The following MICU1 variants were observed in gnomAD, a reference collection of about 807,000 sequenced individuals.
MICU1 encodes calcium uptake protein 1, mitochondrial.
Under a neutral mutation model 56.8 loss-of-function variants are expected in MICU1, and 45 were observed. The observed-to-expected ratio is 0.79, with a 90% CI of 0.62 to 1.02. The LOEUF is 1.02. Among genes scored for constraint, MICU1 ranks in the 50% least tolerant of loss-of-function variants. The probability of loss-of-function intolerance (pLI) is 0.00; values close to 1 mark genes in which losing one functional copy is unlikely to be tolerated. For missense variants in MICU1, 504 were observed against 587.1 expected, an observed-to-expected ratio of 0.86 and a Z score of 1.46; for synonymous variants, 186 against 195.1, an observed-to-expected ratio of 0.95 and a Z score of 0.39.
chr10:72,382,120 T>C (rs1862730924), intron 10 of MICU1, among the ~76,000 whole-genome samples: 1 of 148,608 alleles, frequency 6.7e-6, no homozygotes, highest in African/African-American at 2.4e-5. Flanking sequence ...TCTGAATTCT[T>C]TTTTTTTTTT....
rs1211580394 is a variant in MICU1, at chr10:72,569,206, C to CATATAT, written c.-1-2418_-1-2413dup. Among the ~76,000 whole-genome samples the CATATAT allele has an allele frequency of 9.3e-4, 63 of 68,040 alleles. 2 individuals are homozygous for CATATAT. Among genetic ancestry groups the CATATAT allele is most frequent in the East Asian group, 3.2e-3 (8 of 2,532 alleles). 44.6% of individuals were successfully genotyped at this position (68,040 alleles called of 152,430 possible). On this transcript the variant is annotated intron_variant, in intron 1 of 11. Coordinates refer to ENST00000361114, the MANE Select transcript of MICU1 (RefSeq NM_001195518.2). ...ATACATTTCTAAAATCATATATATG[C>CATATAT]ATATATATATATATATATATATATA... is the stretch of plus-strand genomic sequence containing the variant.
intron 3 of MICU1, among the ~76,000 whole-genome samples, chr10:72,556,367 T>C (rs1458135394): frequency 6.6e-6 from 1 of 151,738 alleles, no homozygotes; most frequent in African/African-American, 2.4e-5. Context: ...TGAGACAGAG[T>C]TTCACTCTTG....
intron 10 of MICU1, among the ~76,000 whole-genome samples, chr10:72,400,903 A>ACACACACACC (rs1564846584): frequency 6.8e-6 from 1 of 147,956 alleles, no homozygotes; most frequent in Non-Finnish European, 1.5e-5. Context: ...ACACACACAC[A>ACACACACACC]CCCTATATGA....
intron 10 of MICU1, among the ~76,000 whole-genome samples, chr10:72,389,251 C>A (rs1862991157): frequency 6.6e-6 from 1 of 152,154 alleles, no homozygotes; most frequent in African/African-American, 2.4e-5. Context: ...CCCCAACAAT[C>A]CAGTTAGAGC....
chr10:72,517,207 T>A (rs1867673925), intron 5 of MICU1, among the ~76,000 whole-genome samples: 1 of 152,176 alleles, frequency 6.6e-6, no homozygotes, highest in Admixed American at 6.5e-5. Context: ...TATGGCTGCT[T>A]CTTAGCTGGT....
chr10:72,452,560 GTA>G (rs1336880202), intron 8 of MICU1, among the ~76,000 whole-genome samples: 1 of 152,128 alleles, frequency 6.6e-6, no homozygotes, highest in African/African-American at 2.4e-5. Context: ...AGATGATGGT[GTA>G]TATGTTTAGA....
At chr10:72,479,398 A>G (rs2132277088) in intron 6 of MICU1, among the ~76,000 whole-genome samples, 1 of 152,370 alleles carries the variant, frequency 6.6e-6, no homozygotes, top group East Asian at 1.9e-4. Flanking sequence ...AAAGCTGAAC[A>G]TTCCAAGTTG....
At chr10:72,531,029 G>A (rs2132404941) in intron 5 of MICU1, among the ~76,000 whole-genome samples, 1 of 152,242 alleles carries the variant, frequency 6.6e-6, no homozygotes, top group African/African-American at 2.4e-5. Flanking sequence ...AAAGGCTGAA[G>A]TTTAATTCAA....
chr10:72,442,355 G>A (rs1864963350), intron 8 of MICU1, among the ~76,000 whole-genome samples: 1 of 151,918 alleles, frequency 6.6e-6, no homozygotes, highest in Non-Finnish European at 1.5e-5. Context: ...TGTTGGACAG[G>A]CTGGTCTTGA....
intron 4 of MICU1, among the ~76,000 whole-genome samples, chr10:72,550,968 C>CA: frequency 6.6e-6 from 1 of 152,310 alleles, no homozygotes; most frequent in Admixed American, 6.5e-5. Flanking sequence ...ACAATCTCCT[C>CA]AACCTCTTAC....
chr10:72,596,131 G>A (rs935764826), intron 1 of MICU1, among the ~76,000 whole-genome samples: 7 of 151,878 alleles, frequency 4.6e-5, no homozygotes, highest in Non-Finnish European at 8.8e-5. Flanking sequence ...GATTACAGGC[G>A]CCCACCACCA....
intron 1 of MICU1, among the ~76,000 whole-genome samples, chr10:72,625,470 A>G (rs186017283): frequency 1.3e-5 from 2 of 152,352 alleles, no homozygotes; most frequent in East Asian, 3.9e-4. Flanking sequence ...AACAGGGAGA[A>G]CGTAATGAAA....
At chr10:72,472,548 T>C (rs991000239) in intron 8 of MICU1, among the ~76,000 whole-genome samples, 3 of 152,068 alleles carry the variant, frequency 2.0e-5, no homozygotes, top group Non-Finnish European at 4.4e-5. Flanking sequence ...AGGGAAGCTG[T>C]GTTTGCTTCA....
intron 1 of MICU1, among the ~76,000 whole-genome samples, chr10:72,573,873 T>C (rs1335127638): frequency 6.6e-6 from 1 of 152,186 alleles, no homozygotes; most frequent in Non-Finnish European, 1.5e-5. Flanking sequence ...CAAGCTTCCC[T>C]AGTGAGATAA....
intron 1 of MICU1, among the ~76,000 whole-genome samples, chr10:72,614,153 A>C (rs956117428): frequency 8.5e-5 from 13 of 152,246 alleles, no homozygotes; most frequent in Admixed American, 5.9e-4. Context: ...CCAAAAATAA[A>C]ACAAAAACAC....
chr10:72,612,745 G>A (rs773486823), intron 1 of MICU1, among the ~76,000 whole-genome samples: 1 of 151,634 alleles, frequency 6.6e-6, no homozygotes, highest in Non-Finnish European at 1.5e-5. Flanking sequence ...AAGCTGCAGT[G>A]AACTATGATT....
intron 1 of MICU1, among the ~76,000 whole-genome samples, chr10:72,577,471 T>C (rs977605436): frequency 2.0e-5 from 3 of 148,818 alleles, no homozygotes; most frequent in Non-Finnish European, 4.4e-5. Flanking sequence ...ATTGCATCAC[T>C]GCACTCCAGC....
intron 9 of MICU1, among the ~76,000 whole-genome samples, chr10:72,414,029 G>C (rs1863906981): frequency 6.6e-6 from 1 of 152,174 alleles, no homozygotes; most frequent in Admixed American, 6.5e-5. Context: ...ATATTCACAT[G>C]GAGATGTGAA....
intron 6 of MICU1, among the ~76,000 whole-genome samples, chr10:72,478,331 G>C (rs962136120): frequency 3.9e-5 from 6 of 152,078 alleles, no homozygotes; most frequent in African/African-American, 1.4e-4. Flanking sequence ...AGTGTTCCTA[G>C]ATCAGTCATA....
Sources: gnomAD v4.1 joint callset for allele counts (sites outside exome capture counted in the v4.1 genomes callset) on GRCh38, gnomAD v4.1.1 for gene constraint, MANE v1.5 for transcripts, NCBI Gene and HGNC (gene_info 2026-07-23, HGNC 2026-07-21) for gene names.